PKN2: variants seen among roughly 807,000 people sequenced by gnomAD.
PKN2 encodes the protein serine/threonine-protein kinase N2.
A neutral mutation model predicts 119.1 loss-of-function variants in PKN2; 38 were observed. The ratio of observed to expected loss-of-function variants is 0.32; its 90% CI spans 0.25 to 0.42. The LOEUF (loss-of-function observed/expected upper bound fraction) is 0.42. Ranked by LOEUF, PKN2 falls within the 10% of genes least tolerant of loss-of-function variation. The probability of loss-of-function intolerance (pLI) is 1.00; values close to 1 mark genes in which losing one functional copy is unlikely to be tolerated. For missense variants in PKN2, 850 were observed against 1,165.1 expected (o/e 0.73, Z 3.94); for synonymous variants, 390 against 384.9 (o/e 1.01, Z -0.15).
At chr1:88,715,723 G>C (rs147103873) in intron 1 of PKN2, among the ~76,000 whole-genome samples, 74 of 152,160 alleles carry the variant, frequency 4.9e-4, no homozygotes, top group African/African-American at 1.6e-3. Flanking sequence ...CATCAATTTT[G>C]TTGATCTTTT....
At chr1:88,818,374 G>A (rs192461824) in intron 16 of PKN2, among the ~76,000 whole-genome samples, 161 of 152,302 alleles carry the variant, frequency 1.1e-3, no homozygotes, top group African/African-American at 3.7e-3. Flanking sequence ...TAGGCTGGGT[G>A]TGGTGGCTCA....
intron 2 of PKN2, among the ~76,000 whole-genome samples, chr1:88,749,373 C>G (rs1299194200): frequency 6.7e-6 from 1 of 150,120 alleles, no homozygotes; most frequent in Non-Finnish European, 1.5e-5. Context: ...CCATTGCACT[C>G]CAGCCCGGCG....
intron 7 of PKN2, 28 bp from the exon 8 acceptor site, chr1:88,786,076 T>C (rs891193534): frequency 7.3e-7 from 1 of 1,367,960 alleles, no homozygotes; most frequent in African/African-American, 1.4e-5. Flanking sequence ...TTAAAGTTTT[T>C]AAGCAAGTTT....
chr1:88,720,026 TG>T (rs1283893745), intron 1 of PKN2, among the ~76,000 whole-genome samples: 9 of 151,914 alleles, frequency 5.9e-5, no homozygotes, highest in African/African-American at 9.7e-5. Flanking sequence ...AAATGTTTTT[TG>T]TTGTTGTTGT....
At chr1:88,708,387 C>G (rs1667087580) in intron 1 of PKN2, among the ~76,000 whole-genome samples, 1 of 151,864 alleles carries the variant, frequency 6.6e-6, no homozygotes, top group Admixed American at 6.6e-5. Flanking sequence ...AGTCTTGTGA[C>G]TATTTGTGTT....
At chr1:88,796,605 A>G (rs1671079281) in intron 8 of PKN2, among the ~76,000 whole-genome samples, 1 of 152,080 alleles carries the variant, frequency 6.6e-6, no homozygotes, top group Non-Finnish European at 1.5e-5. Context: ...TTTAATCTTT[A>G]GATATAGCTC....
At chr1:88,732,316 T>C (rs550493503) in intron 1 of PKN2, among the ~76,000 whole-genome samples, 71 of 152,168 alleles carry the variant, frequency 4.7e-4, no homozygotes, top group Non-Finnish European at 8.2e-4. Flanking sequence ...CATGGAAAAC[T>C]TTGAAAAATA....
chr1:88,817,592 C>T (rs770781287), intron 16 of PKN2, among the ~76,000 whole-genome samples: 2 of 151,270 alleles, frequency 1.3e-5, no homozygotes, highest in South Asian at 2.1e-4. Context: ...CCTGTAGTCT[C>T]GGCTGCTCAG....
At chr1:88,745,115 A>G (rs1224747006) in intron 2 of PKN2, among the ~76,000 whole-genome samples, 1 of 152,184 alleles carries the variant, frequency 6.6e-6, no homozygotes, top group Non-Finnish European at 1.5e-5. Context: ...AATGTTTCTC[A>G]ACACAAGAAG....
At chr1:88,774,179 A>T (rs1669998930) in intron 6 of PKN2, among the ~76,000 whole-genome samples, 1 of 152,210 alleles carries the variant, frequency 6.6e-6, no homozygotes. Context: ...TGTCCTTAGG[A>T]TATATCACCC....
chr1:88,705,817 T>C (rs1362219583), intron 1 of PKN2, among the ~76,000 whole-genome samples: 1 of 152,094 alleles, frequency 6.6e-6, no homozygotes, highest in Non-Finnish European at 1.5e-5. Flanking sequence ...TTGCTATATT[T>C]ATTATTATTT....
intron 16 of PKN2, among the ~76,000 whole-genome samples, chr1:88,819,240 C>T (rs1408000396): frequency 1.3e-5 from 2 of 152,016 alleles, no homozygotes; most frequent in Non-Finnish European, 2.9e-5. Flanking sequence ...GAACAGGCAA[C>T]CTACAGAATG....
chr1:88,809,861 T>G (rs1458440705), intron 15 of PKN2, among the ~76,000 whole-genome samples: 2 of 151,936 alleles, frequency 1.3e-5, no homozygotes, highest in Non-Finnish European at 2.9e-5. Context: ...GCGATCCTCC[T>G]TGGCCTCCCG....
At chr1:88,800,944 C>CT (rs1179746020) in intron 8 of PKN2, among the ~76,000 whole-genome samples, 1 of 152,100 alleles carries the variant, frequency 6.6e-6, no homozygotes, top group Non-Finnish European at 1.5e-5. Flanking sequence ...TACTGCTCAG[C>CT]TTTTTTTGGT....
In PKN2 at chr1:88,688,891, A is replaced by G. The variant is rs148273360; in HGVS notation, c.48+4263A>G. ...AGAGAAGTTCATTATAATCTTTGAC[A>G]TATGAAATTACGTAGTTTTCTTTAA... On this transcript the variant is annotated intron_variant, in intron 1 of 21. Coordinates refer to ENST00000370521, the MANE Select transcript of PKN2 (RefSeq NM_006256.4). 4.6e-5 allele frequency among the ~76,000 whole-genome samples: 7 copies of G among 152,354 alleles called. No homozygotes were observed. In the East Asian group the frequency reaches 1.2e-3, roughly 25 times the overall value.
At chr1:88,812,894 A>G (rs1408659072) in intron 15 of PKN2, among the ~76,000 whole-genome samples, 2 of 152,228 alleles carry the variant, frequency 1.3e-5, no homozygotes, top group Non-Finnish European at 2.9e-5. Flanking sequence ...AATACATCTT[A>G]CTGATCTTGT....
At chr1:88,775,351 CT>C (rs1199674485) in intron 6 of PKN2, among the ~76,000 whole-genome samples, 1 of 152,186 alleles carries the variant, frequency 6.6e-6, no homozygotes, top group Non-Finnish European at 1.5e-5. Context: ...CAGTTGGAAT[CT>C]TAACAGTATG....
chr1:88,766,366 G>T (rs1451708664), intron 3 of PKN2, among the ~76,000 whole-genome samples: 1 of 152,146 alleles, frequency 6.6e-6, no homozygotes, highest in Non-Finnish European at 1.5e-5. Context: ...TAAGAACAAT[G>T]ATTGGCTTAT....
intron 8 of PKN2, among the ~76,000 whole-genome samples, chr1:88,791,541 C>T (rs1037797063): frequency 3.3e-5 from 5 of 151,886 alleles, no homozygotes; most frequent in African/African-American, 1.2e-4. Context: ...AAAAAATAAG[C>T]TGTTTTTTGA....
Sources: allele counts gnomAD v4.1 joint callset (sites outside exome capture counted in the v4.1 genomes callset), GRCh38; gene constraint gnomAD v4.1.1; transcripts MANE v1.5; gene names NCBI Gene and HGNC (gene_info 2026-07-23, HGNC 2026-07-21).